The following ATPAF1 variants were observed in gnomAD, a reference collection of about 807,000 sequenced individuals.
ATPAF1 encodes the protein homolog of yeast ATP11.
In ATPAF1, 26 loss-of-function variants were observed where a neutral mutation model predicts 43.9. The observed-to-expected ratio is 0.59, with a 90% CI of 0.43 to 0.82. The LOEUF is 0.82. Among genes scored for constraint, ATPAF1 ranks in the 40% least tolerant of loss-of-function variants. The pLI, the probability that ATPAF1 is intolerant of heterozygous loss-of-function variation, is 0.00. For synonymous variants in ATPAF1, 157 were observed against 168.0 expected, an observed-to-expected ratio of 0.93 and a Z score of 0.50; for missense variants, 366 against 435.0, an observed-to-expected ratio of 0.84 and a Z score of 1.41.
At chr1:46,636,199 CTT>C in intron 8 of ATPAF1, 1 of 591,684 alleles carries the variant, frequency 1.7e-6, no homozygotes, top group South Asian at 2.0e-5. Flanking sequence ...TTTTCCTTTT[CTT>C]TTTTTGTCTA....
chr1:46,660,116 A>C (rs1455013983), intron 2 of ATPAF1, among the ~76,000 whole-genome samples: 8 of 151,744 alleles, frequency 5.3e-5, no homozygotes, highest in Non-Finnish European at 1.0e-4. Flanking sequence ...AGCTGGGTCT[A>C]CAGGCTTGTG....
exon 9 of ATPAF1, chr1:46,635,722 G>A (rs1365565309): frequency 1.3e-6 from 2 of 1,525,242 alleles, no homozygotes; most frequent in African/African-American, 2.7e-5. Flanking sequence ...GAGGGGGTGG[G>A]CTCTAGACTA....
At chr1:46,659,307 C>T (rs1469015588) in intron 2 of ATPAF1, among the ~76,000 whole-genome samples, 1 of 152,178 alleles carries the variant, frequency 6.6e-6, no homozygotes, top group African/African-American at 2.4e-5. Context: ...AGTAAACTAT[C>T]ATCTACTAGT....
chr1:46,665,355 T>C (rs373818325), exon 2 of ATPAF1: 227 of 1,614,108 alleles, frequency 1.4e-4, no homozygotes, highest in Non-Finnish European at 1.8e-4. Flanking sequence ...CAAAAGCAGC[T>C]GGGTCTGACC....
intron 2 of ATPAF1, among the ~76,000 whole-genome samples, chr1:46,663,667 T>G (rs1254067684): frequency 6.6e-6 from 1 of 152,204 alleles, no homozygotes; most frequent in Non-Finnish European, 1.5e-5. Flanking sequence ...TCACTGTAGA[T>G]TCTGGATATT....
chr1:46,637,881 G>C (rs1045584070), intron 8 of ATPAF1, among the ~76,000 whole-genome samples: 2 of 152,248 alleles, frequency 1.3e-5, no homozygotes, highest in Admixed American at 6.5e-5. Flanking sequence ...CAAGTGGCCA[G>C]CCAAGGTCAC....
In ATPAF1 at chr1:46,635,641, C is replaced by T. The variant is rs1675822803; in HGVS notation, c.*135G>A. Reference sequence around the variant, plus strand: ...GTAATAGGGCTCATCTCTGTGACTGCTTGCGACAAGCACATAGGGCAACTC... The same window carrying T: ...GTAATAGGGCTCATCTCTGTGACTGTTTGCGACAAGCACATAGGGCAACTC... On this transcript the variant is annotated 3_prime_UTR_variant, in exon 9 of 9. Transcript: ENST00000574428. 1.4e-5 allele frequency: 11 copies of T among 788,272 alleles called. No homozygotes were observed. In the South Asian group the frequency reaches 1.9e-4, roughly 14 times the overall value. 48.8% of individuals were successfully genotyped at this position (788,272 alleles called of 1,614,324 possible). A position where few individuals can be genotyped will look rare whatever the true frequency, so the allele number is the denominator to read the frequency against.
At chr1:46,638,720 G>C (rs1049974324) in intron 8 of ATPAF1, among the ~76,000 whole-genome samples, 15 of 151,966 alleles carry the variant, frequency 9.9e-5, no homozygotes, top group African/African-American at 3.6e-4. Flanking sequence ...GAGGGTTATA[G>C]AAAGGCAACC....
chr1:46,639,842 C>A (rs1277075801), intron 8 of ATPAF1, among the ~76,000 whole-genome samples: 2 of 152,088 alleles, frequency 1.3e-5, no homozygotes, highest in Non-Finnish European at 2.9e-5. Context: ...TGTTAAAAGG[C>A]CAGGAAGCAA....
At chr1:46,662,857 G>A (rs1286979402) in intron 2 of ATPAF1, among the ~76,000 whole-genome samples, 2 of 151,978 alleles carry the variant, frequency 1.3e-5, no homozygotes, top group Non-Finnish European at 2.9e-5. Context: ...ATCTATACAT[G>A]TACCATGTTG....
intron 8 of ATPAF1, among the ~76,000 whole-genome samples, chr1:46,642,769 T>G (rs1675972604): frequency 6.6e-6 from 1 of 152,170 alleles, no homozygotes; most frequent in Admixed American, 6.5e-5. Flanking sequence ...AGAAAGATAA[T>G]AGGTATAGAT....
At chr1:46,654,026 G>C (rs1676217768) in intron 4 of ATPAF1, among the ~76,000 whole-genome samples, 159 bp from the exon 5 acceptor site, 1 of 152,124 alleles carries the variant, frequency 6.6e-6, no homozygotes, top group African/African-American at 2.4e-5. Flanking sequence ...TCACAAAAAA[G>C]ATTTAATACA....
intron 6 of ATPAF1, among the ~76,000 whole-genome samples, chr1:46,649,245 T>C (rs1676118492): frequency 6.6e-6 from 1 of 152,208 alleles, no homozygotes; most frequent in African/African-American, 2.4e-5. Context: ...GAGGTTCCTT[T>C]TTTTTGTGCA....
exon 9 of ATPAF1, chr1:46,635,946 C>A (rs149664388): frequency 1.2e-6 from 2 of 1,614,162 alleles, no homozygotes. Context: ...ACTTGGTTGG[C>A]GATGCACTGT....
intron 6 of ATPAF1, among the ~76,000 whole-genome samples, chr1:46,646,387 T>C (rs2148817921): frequency 6.6e-6 from 1 of 152,354 alleles, no homozygotes; most frequent in Non-Finnish European, 1.5e-5. Flanking sequence ...TGCTGCTGAA[T>C]TAGCTCGTTC....
chr1:46,640,720 C>T (rs975223441), intron 8 of ATPAF1, among the ~76,000 whole-genome samples: 3 of 152,212 alleles, frequency 2.0e-5, no homozygotes, highest in Admixed American at 6.5e-5. Context: ...AACTCGTGGG[C>T]GTTATAACAA....
At chr1:46,662,493 C>A (rs1676409067) in intron 2 of ATPAF1, among the ~76,000 whole-genome samples, 1 of 151,620 alleles carries the variant, frequency 6.6e-6, no homozygotes, top group South Asian at 2.1e-4. Flanking sequence ...GTGCCATGAC[C>A]TCAGCTCACT....
At chr1:46,633,181 A>G (rs993789659), downstream of ATPAF1, 1 of 153,806 alleles carries the variant, frequency 6.5e-6, no homozygotes, top group African/African-American at 2.4e-5. Flanking sequence ...GCATTTTAAA[A>G]GCACTTTAGG....
chr1:46,668,376 C>G, upstream of ATPAF1: 11 of 1,258,940 alleles, frequency 8.7e-6, no homozygotes, highest in Non-Finnish European at 1.1e-5. This position sits in a 1 kb window ranked among gnomAD's most constrained non-coding sequence, Gnocchi z 4.4. Context: ...GCCCGCGGCC[C>G]GCGCGCCCGC....
Sources: allele counts gnomAD v4.1 joint callset (sites outside exome capture counted in the v4.1 genomes callset), GRCh38; gene constraint gnomAD v4.1.1; non-coding constraint Gnocchi (gnomAD v3.1); transcripts MANE v1.5; gene names NCBI Gene and HGNC (gene_info 2026-07-23, HGNC 2026-07-21).